The following VEPH1 variants were observed in gnomAD, a reference collection of about 807,000 sequenced individuals.
The protein encoded by VEPH1 is ventricular zone-expressed PH domain-containing protein homolog 1.
VEPH1 carries 80 observed loss-of-function variants against 85.2 expected under a neutral mutation model. The observed-to-expected ratio is 0.94, with a 90% CI of 0.78 to 1.13. The LOEUF is 1.13. VEPH1 is among the 50% of genes most tolerant of loss of function. The pLI, the probability that VEPH1 is intolerant of heterozygous loss-of-function variation, is 0.00. For synonymous variants in VEPH1, 297 were observed against 348.0 expected (o/e 0.85, Z 1.63); for missense variants, 955 against 980.5 (o/e 0.97, Z 0.35).
intron 13 of VEPH1, among the ~76,000 whole-genome samples, chr3:157,262,313 T>G (rs1031712473): frequency 6.6e-6 from 1 of 152,168 alleles, no homozygotes; most frequent in Non-Finnish European, 1.5e-5. Flanking sequence ...ATATTTCAAT[T>G]TTTAATGTTT....
At chr3:157,316,878 T>A (rs908381403) in intron 10 of VEPH1, among the ~76,000 whole-genome samples, 184 bp downstream of exon 10, 2 of 152,138 alleles carry the variant, frequency 1.3e-5, no homozygotes, top group Non-Finnish European at 2.9e-5. Context: ...GATTAATAAT[T>A]CCTTCTTTTA....
intron 2 of VEPH1, among the ~76,000 whole-genome samples, chr3:157,494,856 G>T (rs954738341): frequency 1.9e-4 from 29 of 152,090 alleles, no homozygotes; most frequent in Non-Finnish European, 4.0e-4. Context: ...ATGCTGTTAT[G>T]CTGCTCTGCA....
intron 9 of VEPH1, among the ~76,000 whole-genome samples, chr3:157,322,502 G>A (rs569451752): frequency 6.6e-5 from 10 of 152,200 alleles, no homozygotes; most frequent in African/African-American, 2.4e-4. Flanking sequence ...GGATCATATG[G>A]TAATTCTATG....
Position 157,502,202 on chromosome 3 carries a change from G to A in VEPH1, c.-158+1075C>T, listed in dbSNP as rs189394501. ...CCTGTCTTTTTGCTAGAGTACATAC[G>A]ATCTAAGTTTGTAGCAGGCTTATTT... On this transcript the variant is annotated intron_variant, in intron 1 of 13. Transcript: ENST00000362010. Among the ~76,000 whole-genome samples the A allele has an allele frequency of 7.0e-4, 107 of 152,190 alleles. 1 individual carries two copies. In the East Asian group the frequency reaches 0.012, roughly 17 times the overall value.
intron 9 of VEPH1, among the ~76,000 whole-genome samples, chr3:157,338,943 C>A (rs1723234396): frequency 1.3e-5 from 2 of 152,118 alleles, no homozygotes; most frequent in Non-Finnish European, 1.5e-5. Flanking sequence ...AGTGCTGTGC[C>A]AGACACTAGG....
At chr3:157,400,759 A>C (rs1730734784) in intron 6 of VEPH1, among the ~76,000 whole-genome samples, 1 of 152,120 alleles carries the variant, frequency 6.6e-6, no homozygotes, top group South Asian at 2.1e-4. Context: ...CAGAATCTTA[A>C]AGCTTATGGA....
At chr3:157,473,605 A>C (rs1737181513) in intron 2 of VEPH1, among the ~76,000 whole-genome samples, 1 of 152,080 alleles carries the variant, frequency 6.6e-6, no homozygotes, top group Non-Finnish European at 1.5e-5. Context: ...TTGATTCTTG[A>C]TTTTTGGCAT....
chr3:157,278,632 G>T (rs1279806477), intron 12 of VEPH1, among the ~76,000 whole-genome samples: 2 of 152,306 alleles, frequency 1.3e-5, no homozygotes, highest in South Asian at 4.1e-4. Context: ...CAGTGAGGAG[G>T]CTATGGCCAT....
chr3:157,404,296 A>G (rs1730994517), intron 6 of VEPH1, among the ~76,000 whole-genome samples: 1 of 152,130 alleles, frequency 6.6e-6, no homozygotes, highest in South Asian at 2.1e-4. Context: ...CAGAGTGCTT[A>G]TGGTGGGTTG....
intron 2 of VEPH1, among the ~76,000 whole-genome samples, chr3:157,479,419 A>T (rs1172879728): frequency 1.3e-5 from 2 of 152,110 alleles, no homozygotes; most frequent in African/African-American, 4.8e-5. Flanking sequence ...GTTCACTCTC[A>T]CTCAACACAC....
At chr3:157,389,612 T>A (rs1160021694) in intron 6 of VEPH1, among the ~76,000 whole-genome samples, 2 of 151,178 alleles carry the variant, frequency 1.3e-5, no homozygotes, top group African/African-American at 4.9e-5. Context: ...GATAGGTAAA[T>A]AGATGGATAG....
At chr3:157,311,707 T>A (rs1720131472) in intron 11 of VEPH1, among the ~76,000 whole-genome samples, 7 of 152,226 alleles carry the variant, frequency 4.6e-5, no homozygotes, top group Admixed American at 4.6e-4. Flanking sequence ...GCCAAGTATT[T>A]TTTTTTAATC....
At chr3:157,425,300 G>C (rs1349029820) in intron 5 of VEPH1, among the ~76,000 whole-genome samples, 2 of 152,234 alleles carry the variant, frequency 1.3e-5, no homozygotes, top group African/African-American at 2.4e-5. Flanking sequence ...TGCTGCAGGG[G>C]TAGGGCTTTC....
chr3:157,306,383 A>G (rs562300210), intron 11 of VEPH1, among the ~76,000 whole-genome samples: 3 of 152,284 alleles, frequency 2.0e-5, no homozygotes, highest in African/African-American at 7.2e-5. Context: ...AAAAATTTAT[A>G]CAATAACATT....
intron 9 of VEPH1, among the ~76,000 whole-genome samples, chr3:157,354,169 G>A (rs1382354293): frequency 6.6e-6 from 1 of 151,936 alleles, no homozygotes; most frequent in African/African-American, 2.4e-5. Context: ...TGTGTAGTGG[G>A]GCACAGGAGG....
At chr3:157,382,301 A>T (rs891302527) in intron 6 of VEPH1, among the ~76,000 whole-genome samples, 1 of 152,244 alleles carries the variant, frequency 6.6e-6, no homozygotes, top group African/African-American at 2.4e-5. Context: ...TGAATAATGT[A>T]GGCATGAGCA....
chr3:157,437,985 A>G, intron 4 of VEPH1: 2 of 1,492,694 alleles, frequency 1.3e-6, no homozygotes, highest in Non-Finnish European at 1.8e-6. Flanking sequence ...CGGCAAGCCA[A>G]GCCAGGCAAC....
intron 7 of VEPH1, among the ~76,000 whole-genome samples, chr3:157,376,009 G>A (rs911214163): frequency 4.6e-5 from 7 of 152,150 alleles, no homozygotes; most frequent in Non-Finnish European, 7.3e-5. Flanking sequence ...TTGCAGGCTG[G>A]ATCTGAGGGA....
At chr3:157,402,123 T>C (rs1730831588) in intron 6 of VEPH1, among the ~76,000 whole-genome samples, 1 of 152,204 alleles carries the variant, frequency 6.6e-6, no homozygotes. Context: ...GTACATTGTA[T>C]GGGATGCTCA....
Sources: gnomAD v4.1 joint callset for allele counts (sites outside exome capture counted in the v4.1 genomes callset) on GRCh38, gnomAD v4.1.1 for gene constraint, MANE v1.5 for transcripts, NCBI Gene and HGNC (gene_info 2026-07-23, HGNC 2026-07-21) for gene names.